Variants in PCDH15 observed in about 807,000 individuals in gnomAD.
PCDH15 encodes the protein protocadherin-15.
Under a neutral mutation model 178.5 loss-of-function variants are expected in PCDH15, and 129 were observed. The observed-to-expected ratio is 0.72, with a 90% CI of 0.63 to 0.84. PCDH15 has a LOEUF of 0.84. Ranked by LOEUF, PCDH15 falls within the 40% of genes least tolerant of loss-of-function variation. The probability of loss-of-function intolerance (pLI) is 0.00; values close to 1 mark genes in which losing one functional copy is unlikely to be tolerated. For synonymous variants in PCDH15, 800 were observed against 732.0 expected (o/e 1.09, Z -1.50); for missense variants, 2,230 against 2,099.9 (o/e 1.06, Z -1.21).
intron 1 of PCDH15, among the ~76,000 whole-genome samples, chr10:54,724,779 A>G (rs902135897): frequency 1.3e-5 from 2 of 151,180 alleles, no homozygotes; most frequent in African/African-American, 4.8e-5. Context: ...GTGTGTTAGT[A>G]TACATATATA....
chr10:54,082,630 C>A (rs541431198), intron 16 of PCDH15, among the ~76,000 whole-genome samples: 2 of 152,136 alleles, frequency 1.3e-5, no homozygotes, highest in African/African-American at 4.8e-5. Flanking sequence ...GAATTGAAAC[C>A]TGTAAACAAC....
intron 1 of PCDH15, among the ~76,000 whole-genome samples, chr10:55,237,437 A>G (rs1453451402): frequency 6.6e-6 from 1 of 152,180 alleles, no homozygotes; most frequent in Non-Finnish European, 1.5e-5. Flanking sequence ...AATTTGAAGT[A>G]TCTTTCAGTC....
chr10:54,499,816 C>T (rs745754110), intron 3 of PCDH15, among the ~76,000 whole-genome samples: 2 of 151,906 alleles, frequency 1.3e-5, no homozygotes, highest in Non-Finnish European at 2.9e-5. Context: ...AAAGAAATAA[C>T]CAAATTAGAG....
Position 53,961,892 on chromosome 10 carries a change from C to T in PCDH15, c.2869G>A (p.Gly957Arg). ...TACCTCACACGACTTGCAGGTAATCCCTAAAATAAAATTATTAATTATTAA... is the reference window on the plus strand; with the variant it reads ...TACCTCACACGACTTGCAGGTAATCTCTAAAATAAAATTATTAATTATTAA... ...TVYAEDADPP[G>R]LPASRVRYRV... is the part of the protein sequence containing the mutation. The change falls in exon 22 of 38, where the codon GGA becomes AGA. Residue 957 changes from glycine to arginine, a missense_variant and splice_region_variant. Physicochemically the swap from Gly to Arg is moderately radical, Grantham distance 125. Coordinates refer to ENST00000644397, the MANE Select transcript of PCDH15 (RefSeq NM_001384140.1). The T allele has an allele frequency of 1.2e-6, 2 of 1,605,098 alleles. No homozygotes were observed. The highest frequency in any genetic ancestry group is 1.7e-5 in the Admixed American group (1 of 59,936).
chr10:54,468,575 T>C (rs954324201), intron 3 of PCDH15, among the ~76,000 whole-genome samples: 1 of 152,226 alleles, frequency 6.6e-6, no homozygotes, highest in African/African-American at 2.4e-5. Flanking sequence ...ATATGGTCTA[T>C]TCTTGAGAAA....
At chr10:55,004,364 A>G (rs1394343889) in intron 2 of PCDH15, among the ~76,000 whole-genome samples, 1 of 152,104 alleles carries the variant, frequency 6.6e-6, no homozygotes, top group African/African-American at 2.4e-5. Flanking sequence ...GTTTCATAGA[A>G]CTGATGTTTA....
chr10:54,534,291 T>C (rs919538076), intron 2 of PCDH15, among the ~76,000 whole-genome samples: 10 of 152,184 alleles, frequency 6.6e-5, no homozygotes, highest in Admixed American at 3.9e-4. Context: ...TTGTGAAATA[T>C]ATTGTTATTA....
chr10:54,441,826 G>A (rs2136162375), intron 3 of PCDH15, among the ~76,000 whole-genome samples: 1 of 151,910 alleles, frequency 6.6e-6, no homozygotes, highest in Admixed American at 6.6e-5. Context: ...GTGATTGAGA[G>A]ACAGGGAAAG....
At chr10:55,116,426 T>C (rs577894108) in intron 2 of PCDH15, among the ~76,000 whole-genome samples, 1 of 152,300 alleles carries the variant, frequency 6.6e-6, no homozygotes, top group Non-Finnish European at 1.5e-5. Flanking sequence ...GCAAAATTTT[T>C]CTCTTCTCCT....
intron 1 of PCDH15, among the ~76,000 whole-genome samples, chr10:54,776,825 T>C (rs993353559): frequency 4.6e-5 from 7 of 151,990 alleles, no homozygotes; most frequent in African/African-American, 1.7e-4. Flanking sequence ...CCACACGGCA[T>C]AGAGAGGACC....
chr10:55,067,880 G>C (rs1030937501), intron 2 of PCDH15, among the ~76,000 whole-genome samples: 11 of 151,886 alleles, frequency 7.2e-5, no homozygotes, highest in African/African-American at 2.7e-4. Flanking sequence ...TTGGCCATTT[G>C]TATGTCTTTT....
At chr10:54,185,037 T>G in intron 12 of PCDH15, 97 bp downstream of exon 12, 1 of 1,438,936 alleles carries the variant, frequency 6.9e-7, no homozygotes, top group South Asian at 1.2e-5. Context: ...AAGTCATTGA[T>G]TTTTTCAGTT....
intron 2 of PCDH15, among the ~76,000 whole-genome samples, chr10:55,066,156 T>G (rs1430165111): frequency 6.6e-6 from 1 of 151,590 alleles, no homozygotes; most frequent in African/African-American, 2.4e-5. Flanking sequence ...GGTATTTTCT[T>G]AAAACTTTTT....
At chr10:54,032,825 G>A (rs1458006761) in intron 18 of PCDH15, among the ~76,000 whole-genome samples, 1 of 152,012 alleles carries the variant, frequency 6.6e-6, no homozygotes, top group South Asian at 2.1e-4. Flanking sequence ...AGTTTCACAT[G>A]GCTGGGGAGG....
At chr10:54,732,847 G>A (rs1328699929) in intron 1 of PCDH15, among the ~76,000 whole-genome samples, 14 of 151,522 alleles carry the variant, frequency 9.2e-5, no homozygotes, top group Middle Eastern at 3.4e-3. Context: ...CAGTCAGGTG[G>A]AGCAGATTCC....
chr10:54,089,077 T>C (rs1590345115), intron 16 of PCDH15, among the ~76,000 whole-genome samples: 1 of 152,332 alleles, frequency 6.6e-6, no homozygotes, highest in Middle Eastern at 3.4e-3. Flanking sequence ...ACTGTTCTTG[T>C]CTATAGTTTC....
chr10:54,971,222 T>G (rs980922276), intron 2 of PCDH15, among the ~76,000 whole-genome samples: 1 of 152,090 alleles, frequency 6.6e-6, no homozygotes, highest in African/African-American at 2.4e-5. Context: ...CCTAAGGCAA[T>G]AGTTTTAAGA....
intron 2 of PCDH15, among the ~76,000 whole-genome samples, chr10:54,904,070 GC>G (rs1350572203): frequency 6.6e-6 from 1 of 151,930 alleles, no homozygotes; most frequent in East Asian, 1.9e-4. Context: ...TAATACTGAT[GC>G]CCTCAGTATT....
intron 2 of PCDH15, among the ~76,000 whole-genome samples, chr10:55,018,811 A>T (rs576944569): frequency 2.6e-5 from 4 of 152,252 alleles, no homozygotes; most frequent in African/African-American, 4.8e-5. Flanking sequence ...TTGAGGCTAG[A>T]TGTTGTGGAA....
Sources: gnomAD v4.1 joint callset for allele counts (sites outside exome capture counted in the v4.1 genomes callset) on GRCh38, gnomAD v4.1.1 for gene constraint, MANE v1.5 for transcripts, NCBI Gene and HGNC (gene_info 2026-07-23, HGNC 2026-07-21) for gene names.